RGS6: variants seen among roughly 807,000 people sequenced by gnomAD.
The protein encoded by RGS6 is regulator of G protein signaling 6, also known as regulator of G-protein signaling 6.
A neutral mutation model predicts 78.5 loss-of-function variants in RGS6; 30 were observed. The observed-to-expected ratio is 0.38, with a 90% CI of 0.29 to 0.52. The LOEUF (loss-of-function observed/expected upper bound fraction) is 0.52, where lower values mean the gene tolerates loss of function less well. RGS6 is among the 20% of genes least tolerant of loss of function. RGS6 has a pLI of 0.85. For synonymous variants in RGS6, 206 were observed against 206.0 expected (o/e 1.00, Z 0.00); for missense variants, 495 against 609.7 (o/e 0.81, Z 1.98).
At chr14:71,877,001 G>T in the RGS6 span, among the ~76,000 whole-genome samples, 30 of 152,204 alleles carry the variant, frequency 2.0e-4, no homozygotes, top group African/African-American at 6.7e-4. Flanking sequence ...TTGAATATTG[G>T]CCCCCACTCT....
At chr14:72,120,622 T>C (rs981628201) in intron 2 of RGS6, among the ~76,000 whole-genome samples, 1 of 152,246 alleles carries the variant, frequency 6.6e-6, no homozygotes, top group African/African-American at 2.4e-5. Flanking sequence ...TACAGTGGAA[T>C]AGTTCTCAGA....
At chr14:71,937,113 G>A (rs1262200834) in intron 1 of RGS6, among the ~76,000 whole-genome samples, 1 of 152,166 alleles carries the variant, frequency 6.6e-6, no homozygotes, top group Non-Finnish European at 1.5e-5. Context: ...CTGCTGTGGA[G>A]TAGTAGACTG....
intron 3 of RGS6, among the ~76,000 whole-genome samples, chr14:72,394,012 G>A (rs1285950994): frequency 6.6e-6 from 1 of 152,180 alleles, no homozygotes; most frequent in Non-Finnish European, 1.5e-5. Flanking sequence ...GAGAGAGGGA[G>A]CATGTGTAAG....
intron 2 of RGS6, among the ~76,000 whole-genome samples, chr14:72,101,659 G>C (rs995767746): frequency 6.6e-6 from 1 of 152,186 alleles, no homozygotes; most frequent in South Asian, 2.1e-4. Flanking sequence ...ACTTTGCTAA[G>C]TGAACGCTTG....
intron 2 of RGS6, among the ~76,000 whole-genome samples, chr14:72,217,161 C>T (rs1046632606): frequency 6.6e-6 from 1 of 152,032 alleles, no homozygotes; most frequent in African/African-American, 2.4e-5. Flanking sequence ...GAGAGAAAAC[C>T]CACATGCAGT....
At position 71,933,808 on chromosome 14, in the gene RGS6, A is replaced by G. The variant is rs564745804; in HGVS notation, c.-21+867A>G. Among the ~76,000 whole-genome samples the G allele has an allele frequency of 5.9e-5, 9 of 152,296 alleles. No homozygotes were observed. In the East Asian group the frequency reaches 7.7e-4, roughly 13 times the overall value. ...AACAACCCCAAAGAAAAACGCAAAAATAATCAAGTTTAGGTAAAACTTCCA... is the reference window on the plus strand; with the variant it reads ...AACAACCCCAAAGAAAAACGCAAAAGTAATCAAGTTTAGGTAAAACTTCCA... On this transcript the variant is annotated intron_variant, in intron 1 of 17. Transcript: ENST00000553525.
At chr14:72,094,322 T>C (rs1018649604) in intron 2 of RGS6, among the ~76,000 whole-genome samples, 2 of 152,236 alleles carry the variant, frequency 1.3e-5, no homozygotes, top group Non-Finnish European at 2.9e-5. Context: ...GGTTTTCATA[T>C]TGTTCTATGT....
At chr14:71,919,189 C>A in the RGS6 span, among the ~76,000 whole-genome samples, 1 of 152,206 alleles carries the variant, frequency 6.6e-6, no homozygotes, top group Non-Finnish European at 1.5e-5. Context: ...GACTCAGCCT[C>A]AGAGGGGGAG....
At chr14:72,423,773 T>A (rs1478072408) in intron 3 of RGS6, among the ~76,000 whole-genome samples, 1 of 152,188 alleles carries the variant, frequency 6.6e-6, no homozygotes, top group Non-Finnish European at 1.5e-5. Context: ...CTCAGCGACA[T>A]GCAATTTATA....
In RGS6 at chr14:72,163,659, C is replaced by T. The variant is rs563073494; in HGVS notation, c.85-188436C>T. On this transcript the variant is annotated intron_variant, in intron 2 of 17. Coordinates refer to ENST00000553525, the MANE Select transcript of RGS6 (RefSeq NM_001204424.2). ...CAGTACTTTGGGAGGCTGAGGTGGG[C>T]GGATCACGAGGTCAGGCGTTCGAGA... Among the ~76,000 whole-genome samples, 69 of 152,170 alleles carry T rather than the reference C, an allele frequency of 4.5e-4. 1 individual carries two copies. Among genetic ancestry groups the T allele is most frequent in the African/African-American group, 1.9e-4 (8 of 41,522 alleles).
chr14:72,024,991 A>G (rs1181797564), intron 2 of RGS6, among the ~76,000 whole-genome samples: 3 of 152,222 alleles, frequency 2.0e-5, no homozygotes, highest in South Asian at 2.1e-4. Flanking sequence ...CTTCGTGCCC[A>G]TAAACCTAAT....
intron 3 of RGS6, among the ~76,000 whole-genome samples, chr14:72,436,345 A>G (rs756853354): frequency 6.6e-6 from 1 of 152,094 alleles, no homozygotes; most frequent in East Asian, 1.9e-4. Context: ...AATAAACTGC[A>G]AGGCTGGTTC....
chr14:72,611,920 C>T, the RGS6 span, among the ~76,000 whole-genome samples: 1 of 152,138 alleles, frequency 6.6e-6, no homozygotes, highest in Non-Finnish European at 1.5e-5. Context: ...CGATACTTGA[C>T]CTACAATCAC....
the RGS6 span, among the ~76,000 whole-genome samples, chr14:71,919,550 A>G: frequency 6.6e-6 from 1 of 152,116 alleles, no homozygotes; most frequent in Non-Finnish European, 1.5e-5. Flanking sequence ...AGGAATGCCT[A>G]TTCCAGGAGT....
chr14:72,115,406 T>C (rs890803737), intron 2 of RGS6, among the ~76,000 whole-genome samples: 2 of 152,174 alleles, frequency 1.3e-5, no homozygotes, highest in Non-Finnish European at 2.9e-5. Context: ...GGGGATAAGC[T>C]GGAATCCATC....
intron 12 of RGS6, among the ~76,000 whole-genome samples, chr14:72,489,750 C>CAA (rs2096552966): frequency 3.5e-5 from 4 of 114,806 alleles, no homozygotes; most frequent in Non-Finnish European, 5.6e-5. Flanking sequence ...TGAGACGAGG[C>CAA]GAGGCGAGGT....
At chr14:71,955,504 T>C (rs1595174356) in intron 1 of RGS6, among the ~76,000 whole-genome samples, 1 of 152,202 alleles carries the variant, frequency 6.6e-6, no homozygotes, top group East Asian at 1.9e-4. Flanking sequence ...GGGCTTCTGG[T>C]TGCCCATTTT....
intron 2 of RGS6, among the ~76,000 whole-genome samples, chr14:72,268,795 T>C (rs1257383600): frequency 4.6e-5 from 7 of 152,192 alleles, no homozygotes; most frequent in Non-Finnish European, 7.3e-5. Context: ...TGATATTCAG[T>C]GTTAGGCGCT....
chr14:72,002,974 A>T (rs2083772395), intron 2 of RGS6, among the ~76,000 whole-genome samples: 1 of 152,194 alleles, frequency 6.6e-6, no homozygotes, highest in Admixed American at 6.5e-5. Flanking sequence ...TAGCCCTGGG[A>T]ACTGGCCCAA....
Sources: gnomAD v4.1 joint callset for allele counts (sites outside exome capture counted in the v4.1 genomes callset) on GRCh38, gnomAD v4.1.1 for gene constraint, MANE v1.5 for transcripts, NCBI Gene and HGNC (gene_info 2026-07-23, HGNC 2026-07-21) for gene names.